Variants in NELL2 observed in about 807,000 individuals in gnomAD.
NELL2 encodes protein kinase C-binding protein NELL2.
A neutral mutation model predicts 109.6 loss-of-function variants in NELL2; 41 were observed. The ratio of observed to expected loss-of-function variants is 0.37; its 90% CI spans 0.29 to 0.49. The LOEUF is 0.49. Ranked by LOEUF, NELL2 falls within the 20% of genes least tolerant of loss-of-function variation. The pLI is 0.98. For missense variants in NELL2, 900 were observed against 1,008.3 expected (o/e 0.89, Z 1.45); for synonymous variants, 355 against 344.7 (o/e 1.03, Z -0.33).
intron 2 of NELL2, among the ~76,000 whole-genome samples, chr12:44,869,906 ATC>A (rs763123845): frequency 1.6e-4 from 25 of 152,032 alleles, no homozygotes; most frequent in Non-Finnish European, 3.4e-4. Context: ...TATTCCCTAA[ATC>A]TCTCTCTCTC....
At chr12:44,846,263 G>A (rs1201167883) in intron 2 of NELL2, among the ~76,000 whole-genome samples, 1 of 152,190 alleles carries the variant, frequency 6.6e-6, no homozygotes, top group African/African-American at 2.4e-5. Flanking sequence ...AAGTTTCTTT[G>A]GAGCCATCGT....
intron 12 of NELL2, among the ~76,000 whole-genome samples, chr12:44,696,875 C>A (rs558988528): frequency 6.6e-6 from 1 of 152,202 alleles, no homozygotes; most frequent in East Asian, 1.9e-4. Flanking sequence ...TTACTAGGCA[C>A]TTATAGTTGA....
intron 9 of NELL2, among the ~76,000 whole-genome samples, chr12:44,753,213 G>C (rs1002452398): frequency 2.6e-5 from 4 of 152,178 alleles, no homozygotes; most frequent in African/African-American, 9.6e-5. Context: ...TATCCTGATT[G>C]TTTTCCTTCA....
intron 1 of NELL2, among the ~76,000 whole-genome samples, chr12:44,911,009 G>T (rs1275827541): frequency 6.6e-6 from 1 of 151,896 alleles, no homozygotes; most frequent in African/African-American, 2.4e-5. Flanking sequence ...GATGGGGGAG[G>T]TAGGGAGGAG....
At chr12:44,764,324 GTT>G (rs1359641304) in intron 9 of NELL2, among the ~76,000 whole-genome samples, 1 of 152,160 alleles carries the variant, frequency 6.6e-6, no homozygotes, top group Admixed American at 6.5e-5. Context: ...AGAATTGATA[GTT>G]TCTGTTCCAT....
At chr12:44,915,702 G>A (rs969151213), upstream of NELL2, among the ~76,000 whole-genome samples, 12 of 152,096 alleles carry the variant, frequency 7.9e-5, no homozygotes, top group African/African-American at 1.9e-4. Context: ...CCCAAGGTCC[G>A]GCAACACTTT....
chr12:44,729,278 T>C (rs1448939362), intron 9 of NELL2, among the ~76,000 whole-genome samples: 1 of 152,002 alleles, frequency 6.6e-6, no homozygotes, highest in Non-Finnish European at 1.5e-5. Flanking sequence ...TAAGTTGTTA[T>C]CAACTTAAAA....
intron 3 of NELL2, among the ~76,000 whole-genome samples, chr12:44,813,828 A>T (rs937951111): frequency 3.3e-5 from 5 of 152,230 alleles, no homozygotes; most frequent in Non-Finnish European, 7.3e-5. Context: ...AAATAAATAC[A>T]TTTAAAGCCC....
chr12:44,805,594 T>C (rs539444032), intron 3 of NELL2, among the ~76,000 whole-genome samples: 31 of 151,828 alleles, frequency 2.0e-4, no homozygotes, highest in African/African-American at 6.8e-4. Flanking sequence ...AAGTCCAACA[T>C]GTCAATTTTT....
chr12:44,602,540 C>T (rs756503011), intron 15 of NELL2, among the ~76,000 whole-genome samples: 8 of 152,096 alleles, frequency 5.3e-5, no homozygotes, highest in Non-Finnish European at 8.8e-5. Context: ...ATTGGAAAAG[C>T]AGATGTATCT....
At chr12:44,681,011 CTTTTT>C (rs959910164) in intron 12 of NELL2, among the ~76,000 whole-genome samples, 2 of 149,630 alleles carry the variant, frequency 1.3e-5, no homozygotes, top group Non-Finnish European at 3.0e-5. Context: ...TTGTGCAATT[CTTTTT>C]TTTTAAGAAC....
intron 3 of NELL2, among the ~76,000 whole-genome samples, chr12:44,800,093 G>A (rs570008195): frequency 2.0e-4 from 31 of 152,000 alleles, no homozygotes; most frequent in African/African-American, 7.3e-4. Context: ...GGAATAACAC[G>A]CTTATTGAGG....
chr12:44,762,235 A>T (rs1313172005), intron 9 of NELL2, among the ~76,000 whole-genome samples: 1 of 152,118 alleles, frequency 6.6e-6, no homozygotes, highest in Non-Finnish European at 1.5e-5. Flanking sequence ...GTCTAAATTG[A>T]ACTTGATCTT....
chr12:44,657,429 A>G (rs1169625334), intron 13 of NELL2, among the ~76,000 whole-genome samples: 2 of 152,156 alleles, frequency 1.3e-5, no homozygotes, highest in East Asian at 3.8e-4. Flanking sequence ...ACTACCATTA[A>G]TTGAGATTCT....
chr12:44,885,946 G>T (rs1945465688), intron 1 of NELL2, among the ~76,000 whole-genome samples: 1 of 151,540 alleles, frequency 6.6e-6, no homozygotes, highest in Non-Finnish European at 1.5e-5. Context: ...AAAATTAATG[G>T]AATAAAGTAA....
chr12:44,790,796 A>G (rs1942354668), intron 3 of NELL2, among the ~76,000 whole-genome samples: 2 of 151,842 alleles, frequency 1.3e-5, no homozygotes, highest in Non-Finnish European at 1.5e-5. Flanking sequence ...GACTCACATA[A>G]ACTTCAAGTA....
intron 9 of NELL2, among the ~76,000 whole-genome samples, chr12:44,734,464 A>G (rs1939534443): frequency 1.3e-5 from 2 of 151,988 alleles, no homozygotes; most frequent in South Asian, 2.1e-4. Context: ...TGTATATTTA[A>G]CAACAAATAT....
rs563784921 is a variant in NELL2 at position 44,727,679 on chromosome 12, C to T, written c.995-12938G>A. On this transcript the variant is annotated intron_variant, in intron 9 of 19. Coordinates refer to ENST00000429094, the MANE Select transcript of NELL2 (RefSeq NM_001145108.2). ...GGACAAAATATTTGTTGAGGTATAT[C>T]GTATTTTATTCTTTTCAGATAACTT... is the stretch of plus-strand genomic sequence containing the variant. Among the ~76,000 whole-genome samples, 10 of 152,032 alleles carry T rather than the reference C, an allele frequency of 6.6e-5. No individual in the cohort carries two copies. In the South Asian group the frequency reaches 1.0e-3, roughly 16 times the overall value.
chr12:44,561,577 A>G (rs1367592314), intron 15 of NELL2, among the ~76,000 whole-genome samples: 1 of 152,178 alleles, frequency 6.6e-6, no homozygotes, highest in Non-Finnish European at 1.5e-5. Context: ...CAATTGCTAC[A>G]AAGAGAATAA....
Sources: allele counts gnomAD v4.1 joint callset (sites outside exome capture counted in the v4.1 genomes callset), GRCh38; gene constraint gnomAD v4.1.1; transcripts MANE v1.5; gene names NCBI Gene and HGNC (gene_info 2026-07-23, HGNC 2026-07-21).